The following GRID2 variants were observed in gnomAD, a reference collection of about 807,000 sequenced individuals.
The protein encoded by GRID2 is glutamate ionotropic receptor delta type subunit 2.
In GRID2, 33 loss-of-function variants were observed where a neutral mutation model predicts 114.8. That is an observed-to-expected ratio of 0.29 (90% confidence interval 0.22 to 0.38). The LOEUF (loss-of-function observed/expected upper bound fraction) is 0.38. Among genes scored for constraint, GRID2 ranks in the 10% least tolerant of loss-of-function variants. The pLI, the probability that GRID2 is intolerant of heterozygous loss-of-function variation, is 1.00. For missense variants in GRID2, 1,184 were observed against 1,257.7 expected (o/e 0.94, Z 0.89); for synonymous variants, 505 against 449.9 (o/e 1.12, Z -1.55).
chr4:93,698,100 T>A (rs1364510037), intron 14 of GRID2, among the ~76,000 whole-genome samples: 2 of 151,938 alleles, frequency 1.3e-5, no homozygotes, highest in Admixed American at 6.6e-5. Flanking sequence ...ATTAGTCAAA[T>A]GTTTTCAGGT....
chr4:92,422,277 G>A (rs1164773844), intron 1 of GRID2, among the ~76,000 whole-genome samples: 1 of 152,054 alleles, frequency 6.6e-6, no homozygotes, highest in Non-Finnish European at 1.5e-5. Flanking sequence ...AGAGTTCTAG[G>A]AGCAGATTTA....
intron 1 of GRID2, among the ~76,000 whole-genome samples, chr4:93,787,785 T>C (rs1356787490): frequency 6.6e-6 from 1 of 152,186 alleles, no homozygotes; most frequent in Non-Finnish European, 1.5e-5. Flanking sequence ...ATGACCATTA[T>C]GGTGCGGTCA....
At chr4:92,777,874 A>G (rs1738885678) in intron 2 of GRID2, among the ~76,000 whole-genome samples, 2 of 151,992 alleles carry the variant, frequency 1.3e-5, no homozygotes, top group African/African-American at 4.8e-5. Context: ...GAGAAAATAC[A>G]TTTCTATTGT....
intron 14 of GRID2, among the ~76,000 whole-genome samples, chr4:93,752,456 C>T (rs981177037): frequency 2.6e-5 from 4 of 152,052 alleles, no homozygotes; most frequent in South Asian, 2.1e-4. Flanking sequence ...CTGCAAGCTC[C>T]GCCTCCCGGG....
At chr4:92,442,300 G>A (rs966499547) in intron 1 of GRID2, among the ~76,000 whole-genome samples, 1 of 151,986 alleles carries the variant, frequency 6.6e-6, no homozygotes, top group Non-Finnish European at 1.5e-5. Flanking sequence ...GGCTCTGAGA[G>A]TGGCTCCCAG....
Position 92,789,538 on chromosome 4 carries a change from C to A in GRID2, c.244+199252C>A, listed in dbSNP as rs375916493. 2.0e-5 allele frequency among the ~76,000 whole-genome samples: 3 copies of A among 151,924 alleles called. No homozygotes were observed. In the East Asian group the frequency reaches 5.8e-4, roughly 30 times the overall value. Reference sequence around the variant, plus strand: ...TTTGACCAATCTTCCAATTAACTCTCTCCTCTTTCGGATCTATTGTACTGT... The same window carrying A: ...TTTGACCAATCTTCCAATTAACTCTATCCTCTTTCGGATCTATTGTACTGT... On this transcript the variant is annotated intron_variant, in intron 2 of 15. Transcript: ENST00000282020.
intron 8 of GRID2, among the ~76,000 whole-genome samples, chr4:93,350,845 C>T (rs1313718227): frequency 6.6e-6 from 1 of 151,968 alleles, no homozygotes; most frequent in African/African-American, 2.4e-5. Flanking sequence ...TGTTCTCATG[C>T]TGCTAATAAA....
Position 92,848,989 on chromosome 4 carries a change from A to T in GRID2, c.245-236006A>T, listed in dbSNP as rs151137673. 5.9e-3 allele frequency among the ~76,000 whole-genome samples: 899 copies of T among 151,996 alleles called. 16 individuals are homozygous for T. The highest frequency in any genetic ancestry group is 0.021 in the African/African-American group (853 of 41,520). ...TTTAGCCTCCAAACTGTGGGAATTA[A>T]ATTTCTGTTATCTAAGCCACTCAGT... On this transcript the variant is annotated intron_variant, in intron 2 of 15. Transcript: ENST00000282020.
chr4:93,470,309 A>C (rs1450119202), intron 11 of GRID2, among the ~76,000 whole-genome samples: 1 of 152,158 alleles, frequency 6.6e-6, no homozygotes, highest in Admixed American at 6.6e-5. Context: ...TTGGCTAAGT[A>C]AAAGTCATTC....
At chr4:93,007,031 A>G (rs1479791916) in intron 2 of GRID2, among the ~76,000 whole-genome samples, 1 of 152,000 alleles carries the variant, frequency 6.6e-6, no homozygotes, top group Non-Finnish European at 1.5e-5. Context: ...CAATGGAGAA[A>G]GCATACAAAG....
Position 93,806,082 on chromosome 4 carries a change from G to A in GRID2, c.222-633G>A, listed in dbSNP as rs183009161. Among the ~76,000 whole-genome samples the A allele has an allele frequency of 1.6e-3, 244 of 152,012 alleles. 1 individual carries two copies. Among genetic ancestry groups the A allele is most frequent in the African/African-American group, 5.5e-3 (227 of 41,452 alleles). On this transcript the variant is annotated intron_variant, in intron 1 of 1. Coordinates refer to the GRID2 transcript ENST00000637838. ...ACAGCACTCCCGCCTGGGCAAGAAAGCAAGACTCCAGAAAAATAAAAAAAT... is the reference window on the plus strand; with the variant it reads ...ACAGCACTCCCGCCTGGGCAAGAAAACAAGACTCCAGAAAAATAAAAAAAT...
At chr4:93,023,708 T>G (rs1723616367) in intron 2 of GRID2, among the ~76,000 whole-genome samples, 3 of 151,848 alleles carry the variant, frequency 2.0e-5, no homozygotes, top group Admixed American at 1.3e-4. Flanking sequence ...TGAAGCTACT[T>G]TTACTTTTCC....
intron 2 of GRID2, among the ~76,000 whole-genome samples, chr4:92,740,803 G>A (rs1050680230): frequency 6.6e-6 from 1 of 152,090 alleles, no homozygotes; most frequent in Non-Finnish European, 1.5e-5. Flanking sequence ...CTAGAGTGCA[G>A]TGGAGCGATC....
intron 2 of GRID2, among the ~76,000 whole-genome samples, chr4:93,063,082 T>G (rs1303688877): frequency 1.3e-5 from 2 of 151,936 alleles, no homozygotes; most frequent in African/African-American, 4.8e-5. Context: ...GTAACAGTGA[T>G]GTTTGGGCTT....
intron 8 of GRID2, among the ~76,000 whole-genome samples, chr4:93,268,965 A>C (rs560527935): frequency 6.6e-6 from 1 of 152,284 alleles, no homozygotes; most frequent in South Asian, 2.1e-4. Flanking sequence ...GAGAAATACA[A>C]GTTTTATGAC....
At chr4:93,223,349 A>G (rs1354064992) in intron 6 of GRID2, among the ~76,000 whole-genome samples, 1 of 152,170 alleles carries the variant, frequency 6.6e-6, no homozygotes, top group Non-Finnish European at 1.5e-5. Context: ...AGTATTATAC[A>G]TATAAAATGA....
At chr4:92,365,503 G>A (rs1728816285) in intron 1 of GRID2, among the ~76,000 whole-genome samples, 3 of 151,914 alleles carry the variant, frequency 2.0e-5, no homozygotes, top group Admixed American at 2.0e-4. Flanking sequence ...GGTGGTGGTG[G>A]TGGTGGTGAG....
chr4:92,575,171 A>G (rs1727822264), intron 1 of GRID2, among the ~76,000 whole-genome samples: 1 of 152,168 alleles, frequency 6.6e-6, no homozygotes, highest in African/African-American at 2.4e-5. Flanking sequence ...CAGGTTGGTT[A>G]TGTTCCTCTA....
intron 2 of GRID2, among the ~76,000 whole-genome samples, chr4:92,832,972 G>A (rs1259146053): frequency 6.6e-6 from 1 of 152,028 alleles, no homozygotes; most frequent in Non-Finnish European, 1.5e-5. Context: ...GACTTTAAAA[G>A]GTATATTGAA....
Sources: allele counts gnomAD v4.1 joint callset (sites outside exome capture counted in the v4.1 genomes callset), GRCh38; gene constraint gnomAD v4.1.1; transcripts MANE v1.5; gene names NCBI Gene and HGNC (gene_info 2026-07-23, HGNC 2026-07-21).